The following RPGR variants were observed in gnomAD, a reference collection of about 807,000 sequenced individuals.
The protein encoded by RPGR is retinitis pigmentosa GTPase regulator.
A neutral mutation model predicts 56.3 loss-of-function variants in RPGR; 10 were observed. The observed-to-expected ratio is 0.18, with a 90% CI of 0.11 to 0.30. The LOEUF (loss-of-function observed/expected upper bound fraction) is 0.30, where lower values mean the gene tolerates loss of function less well. RPGR is among the 10% of genes least tolerant of loss of function. The pLI, the probability that RPGR is intolerant of heterozygous loss-of-function variation, is 1.00. For missense variants in RPGR, 538 were observed against 590.9 expected (o/e 0.91, Z 0.93); for synonymous variants, 197 against 212.9 (o/e 0.93, Z 0.65).
chrX:38,273,205 T>G (rs1476946491), intron 18 of RPGR, among the ~76,000 whole-genome samples: 1 of 111,938 alleles, frequency 8.9e-6, no homozygotes, highest in Non-Finnish European at 1.9e-5. Context: ...AAGATCATCA[T>G]TCAAATGCTA....
chrX:38,289,543 C>T (rs1335938930), intron 13 of RPGR, among the ~76,000 whole-genome samples: 3 of 112,112 alleles, frequency 2.7e-5, no homozygotes, highest in African/African-American at 6.5e-5. Flanking sequence ...ATAGTAAAAC[C>T]TCACTAATTC....
Position 38,297,323 on chromosome X carries a change from C to G in RPGR, c.1375G>C (p.Val459Leu). 8.3e-7 allele frequency: 1 copy of G among 1,210,604 alleles called. No individual in the cohort carries two copies. The highest frequency in any genetic ancestry group is 1.1e-6 in the Non-Finnish European group (1 of 895,148). The change falls in exon 11 of 19, where the codon GTC becomes CTC. Residue 459 changes from valine to leucine, a missense_variant. Transcript: ENST00000642395. ...TGCATGAGGTCCTGTTCAGATAAGA[C>G]ACTCTCTTGGAGGTTTCTCTCAGAA...
intron 2 of RPGR, 95 bp downstream of exon 2, chrX:38,323,304 A>G: frequency 2.4e-6 from 2 of 843,823 alleles, no homozygotes; most frequent in Non-Finnish European, 3.4e-6. Context: ...TTTTGATAAT[A>G]TTTTCAACAT....
chrX:38,292,678 C>T (rs2067306718), intron 11 of RPGR, among the ~76,000 whole-genome samples: 1 of 112,415 alleles, frequency 8.9e-6, no homozygotes, highest in Non-Finnish European at 1.9e-5. Flanking sequence ...TATACATATA[C>T]TAATAAGTTC....
intron 18 of RPGR, among the ~76,000 whole-genome samples, chrX:38,273,223 G>C (rs1456812885): frequency 1.8e-5 from 2 of 111,941 alleles, no homozygotes; most frequent in East Asian, 5.6e-4. Context: ...CTAACCAAAG[G>C]AAAGGTAGTA....
intron 15 of RPGR, among the ~76,000 whole-genome samples, chrX:38,278,048 T>G (rs2066966551): frequency 9.0e-6 from 1 of 111,637 alleles, no homozygotes; most frequent in Admixed American, 9.5e-5. Context: ...CAGAAGCTAC[T>G]CAGGAAGAAT....
rs768169831 is a variant in RPGR at position 38,287,906 on chromosome X, T to C, written c.1708A>G (p.Thr570Ala). ...GCTTCGATAGTCGTAGCTGGCTGCG[T>C]CATGAAAATCCCTTGTGACACATGT... The change falls in exon 14 of 19, where the codon ACG (threonine) becomes GCG (alanine). Residue 570 changes from threonine (T) to alanine (A), a missense_variant. Thr to Ala is a moderately conservative substitution (Grantham distance 58). Around this residue, in one of 2 missense-constraint regions of RPGR, gnomAD observed 357 missense variants for 325.8 expected, o/e 1.10. Transcript: ENST00000642395. 31 of 1,211,237 alleles carry C rather than the reference T, an allele frequency of 2.6e-5. No individual in the cohort carries two copies. In the Admixed American group the frequency reaches 3.5e-4, roughly 14 times the overall value.
chrX:38,285,404 G>C (rs996752087), intron 15 of RPGR: 7 of 1,100,231 alleles, frequency 6.4e-6, no homozygotes, highest in Admixed American at 3.4e-5. Flanking sequence ...TAACACAGCT[G>C]CATCAGTTGC....
At chrX:38,322,112 C>A (rs1361115281) in intron 3 of RPGR, among the ~76,000 whole-genome samples, 3 of 111,776 alleles carry the variant, frequency 2.7e-5, no homozygotes, top group Non-Finnish European at 5.6e-5. Context: ...TAACAATTCC[C>A]ATAAACAGCA....
intron 5 of RPGR, among the ~76,000 whole-genome samples, 172 bp from the exon 6 acceptor site, chrX:38,317,637 A>G (rs1351692459): frequency 8.9e-6 from 1 of 112,608 alleles, no homozygotes; most frequent in Non-Finnish European, 1.9e-5. Flanking sequence ...TTCAATTTAT[A>G]TTGTGAAATG....
intron 13 of RPGR, among the ~76,000 whole-genome samples, chrX:38,290,656 T>C (rs762760394): frequency 2.7e-5 from 3 of 111,882 alleles, no homozygotes; most frequent in Non-Finnish European, 3.8e-5. Context: ...TCTTTTCCTA[T>C]ACATAAGAAC....
chrX:38,317,507 T>C (rs2067848530), intron 5 of RPGR, 42 bp from the exon 6 acceptor site: 1 of 1,118,896 alleles, frequency 8.9e-7, no homozygotes, highest in Non-Finnish European at 1.2e-6. Context: ...TTTTAAAAGG[T>C]AGCCAGGCTC....
chrX:38,271,934 G>A (rs1220002010), intron 18 of RPGR, among the ~76,000 whole-genome samples: 2 of 112,220 alleles, frequency 1.8e-5, no homozygotes, highest in Non-Finnish European at 3.8e-5. Context: ...ACAAGATACT[G>A]ATTTTAAAAG....
In RPGR at chrX:38,322,847, C is replaced by A; in HGVS notation, c.247+6G>T. The A allele has an allele frequency of 8.3e-7, 1 of 1,200,806 alleles. No individual in the cohort carries two copies. Among genetic ancestry groups the A allele is most frequent in the Non-Finnish European group, 1.1e-6 (1 of 885,754 alleles). On this transcript the variant is annotated splice_donor_region_variant and intron_variant, in intron 3 of 18. Coordinates refer to ENST00000642395, the MANE Select transcript of RPGR (RefSeq NM_000328.3). ...CAGTTTGTGAAAAGATAAAAAGATC[C>A]CAAACCTTTGACACATGTTGGCTTG...
intron 15 of RPGR, chrX:38,285,663 CTG>C (rs778853261): frequency 8.3e-7 from 1 of 1,211,384 alleles, no homozygotes; most frequent in Non-Finnish European, 1.1e-6. Flanking sequence ...TCCCATTTCC[CTG>C]TGTGTTAGTA....
At chrX:38,280,679 G>A (rs138347777) in intron 15 of RPGR, among the ~76,000 whole-genome samples, 1,249 of 111,018 alleles carry the variant, frequency 0.011, 19 homozygotes, top group African/African-American at 0.038. Context: ...ACTACAGGGC[G>A]CACACCACCA....
At position 38,303,904 on chromosome X, in the gene RPGR, T is replaced by C. The variant is rs781072080; in HGVS notation, c.934+731A>G. ...GATTTCTGACTTTCCAATGCTTCAC[T>C]TCATATTTAGACAGAAATAGTGAAA... On this transcript the variant is annotated intron_variant, in intron 8 of 18. Transcript: ENST00000642395. The C allele has an allele frequency of 4.9e-4, 143 of 289,856 alleles. 1 individual carries two copies. In the East Asian group the frequency reaches 6.8e-3, roughly 14 times the overall value. 23.9% of individuals were successfully genotyped at this position (289,856 alleles called of 1,213,427 possible). A position where few individuals can be genotyped will look rare whatever the true frequency, so the allele number is the denominator to read the frequency against.
At chrX:38,316,292 T>TA (rs1460526621) in intron 6 of RPGR, among the ~76,000 whole-genome samples, 1 of 99,931 alleles carries the variant, frequency 1.0e-5, no homozygotes, top group Non-Finnish European at 2.0e-5. Flanking sequence ...TTTTTTTAAT[T>TA]AAAAAAAGGC....
chrX:38,323,648 ATGTT>A, intron 1 of RPGR, 124 bp from the exon 2 acceptor site: 7 of 709,925 alleles, frequency 9.9e-6, no homozygotes, highest in Non-Finnish European at 1.1e-5. Context: ...CACTCTGGCA[ATGTT>A]TAAGCCTTCC....
Sources: gnomAD v4.1 joint callset for allele counts (sites outside exome capture counted in the v4.1 genomes callset) on GRCh38, gnomAD v4.1.1 for gene constraint, gnomAD v4.1.1 regional missense constraint, MANE v1.5 for transcripts, NCBI Gene and HGNC (gene_info 2026-07-23, HGNC 2026-07-21) for gene names.